Variants in EEFSEC observed in about 807,000 individuals in gnomAD.
The protein encoded by EEFSEC is selenocysteine-specific elongation factor.
A neutral mutation model predicts 42.1 loss-of-function variants in EEFSEC; 43 were observed. The observed-to-expected ratio is 1.02, with a 90% CI of 0.80 to 1.32. EEFSEC has a LOEUF of 1.32. Among genes scored for constraint, EEFSEC ranks in the 40% most tolerant of loss-of-function variants. EEFSEC has a pLI of 0.00. For synonymous variants in EEFSEC, 354 were observed against 339.1 expected (o/e 1.04, Z -0.48); for missense variants, 745 against 803.6 (o/e 0.93, Z 0.88).
chr3:128,326,652 C>T (rs1317534507), intron 4 of EEFSEC, among the ~76,000 whole-genome samples: 1 of 152,198 alleles, frequency 6.6e-6, no homozygotes, highest in Non-Finnish European at 1.5e-5. Context: ...CCAGGGCTGG[C>T]CTCCCCCAGA....
intron 6 of EEFSEC, among the ~76,000 whole-genome samples, chr3:128,363,100 A>G (rs1250989635): frequency 2.0e-5 from 3 of 152,220 alleles, no homozygotes; most frequent in African/African-American, 7.2e-5. Flanking sequence ...AATGTGAGCT[A>G]TGATGTATAG....
At chr3:128,410,952 G>A (rs2107644530), downstream of EEFSEC, among the ~76,000 whole-genome samples, 1 of 152,332 alleles carries the variant, frequency 6.6e-6, no homozygotes, top group Admixed American at 6.5e-5. Flanking sequence ...AGGAGGGGCA[G>A]CCCAGGGCGA....
At chr3:128,300,165 C>T (rs1023323743) in intron 4 of EEFSEC, among the ~76,000 whole-genome samples, 32 of 152,322 alleles carry the variant, frequency 2.1e-4, no homozygotes, top group African/African-American at 7.2e-4. Context: ...GTTCTGGCCA[C>T]CTCCCCAGCT....
chr3:128,343,569 A>T (rs2067279666), intron 5 of EEFSEC, among the ~76,000 whole-genome samples: 1 of 152,190 alleles, frequency 6.6e-6, no homozygotes, highest in South Asian at 2.1e-4. Flanking sequence ...AGCCTGATTT[A>T]TTAGCAGTGT....
chr3:128,348,281 T>TGTGTGTGCGTGTGTGTGTGTGTGC (rs2067340539), intron 5 of EEFSEC, among the ~76,000 whole-genome samples: 1 of 150,858 alleles, frequency 6.6e-6, no homozygotes, highest in African/African-American at 2.4e-5. Context: ...CGTGTGCGTG[T>TGTGTGTGCGTGTGTGTGTGTGTGC]GTGTGTGTGT....
chr3:128,264,889 A>C (rs1576591389), intron 4 of EEFSEC, 108 bp downstream of exon 4: 4 of 1,335,940 alleles, frequency 3.0e-6, no homozygotes, highest in Non-Finnish European at 4.0e-6. Context: ...CTGCCCTGGG[A>C]CTCCCACTGC....
At chr3:128,277,255 A>C (rs1436036114) in intron 4 of EEFSEC, among the ~76,000 whole-genome samples, 1 of 152,260 alleles carries the variant, frequency 6.6e-6, no homozygotes, top group Non-Finnish European at 1.5e-5. Flanking sequence ...TCTTTTAAGA[A>C]ATAAAACAAT....
chr3:128,224,719 C>T lies in EEFSEC; in HGVS notation c.317-22117C>T, dbSNP rs149082203. Among the ~76,000 whole-genome samples, 8 of 152,272 alleles carry T rather than the reference C, an allele frequency of 5.3e-5. No individual in the cohort carries two copies. In the East Asian group the frequency reaches 9.6e-4, roughly 18 times the overall value. On this transcript the variant is annotated intron_variant, in intron 1 of 6. Transcript: ENST00000254730. ...TTTAAAAAATATAGACATTTTCTTG[C>T]GTAAATCAATGTCATTAGCACAGCT...
At chr3:128,165,518 G>C (rs953155646) in intron 1 of EEFSEC, among the ~76,000 whole-genome samples, 1 of 152,148 alleles carries the variant, frequency 6.6e-6, no homozygotes. Flanking sequence ...TAGTTAATGT[G>C]GGTGATCCTC....
chr3:128,174,472 T>C (rs1032736723), intron 1 of EEFSEC, among the ~76,000 whole-genome samples: 6 of 152,202 alleles, frequency 3.9e-5, no homozygotes, highest in Non-Finnish European at 7.3e-5. Flanking sequence ...TTGTGCCTAA[T>C]TAATAGTTGC....
intron 4 of EEFSEC, among the ~76,000 whole-genome samples, chr3:128,271,329 A>G (rs545383844): frequency 1.3e-5 from 2 of 152,354 alleles, no homozygotes; most frequent in East Asian, 3.9e-4. Context: ...ACCTGTGGAT[A>G]TCGGCTCTCA....
chr3:128,392,382 C>T (rs1304930237), intron 6 of EEFSEC, among the ~76,000 whole-genome samples: 1 of 152,192 alleles, frequency 6.6e-6, no homozygotes, highest in Middle Eastern at 3.2e-3. Context: ...CACATGTGGG[C>T]CCTGCCCACC....
intron 1 of EEFSEC, among the ~76,000 whole-genome samples, chr3:128,218,038 G>T (rs961745732): frequency 2.0e-5 from 3 of 152,144 alleles, no homozygotes; most frequent in Non-Finnish European, 4.4e-5. Context: ...CCAAGTAAAT[G>T]GGTAAAGACC....
chr3:128,381,406 T>G (rs1290342733), intron 6 of EEFSEC, among the ~76,000 whole-genome samples: 1 of 152,184 alleles, frequency 6.6e-6, no homozygotes, highest in Non-Finnish European at 1.5e-5. Flanking sequence ...AATGATCAGG[T>G]CAAAGATTTG....
At chr3:128,407,378 G>A (rs2068129044) in intron 6 of EEFSEC, among the ~76,000 whole-genome samples, 1 of 152,204 alleles carries the variant, frequency 6.6e-6, no homozygotes, top group Admixed American at 6.5e-5. Context: ...TGGCCCCACT[G>A]GGGTGTCCTG....
intron 1 of EEFSEC, among the ~76,000 whole-genome samples, chr3:128,229,948 G>GTTTCC (rs869215030): frequency 2.0e-5 from 3 of 151,994 alleles, no homozygotes; most frequent in Non-Finnish European, 4.4e-5. Context: ...GCCCTGGAGG[G>GTTTCC]TTTCCTTTCC....
At chr3:128,414,946 A>G in the EEFSEC span, among the ~76,000 whole-genome samples, 2 of 152,106 alleles carry the variant, frequency 1.3e-5, no homozygotes, top group Non-Finnish European at 2.9e-5. Context: ...CTTGGCACTG[A>G]CTGGATGATC....
downstream of EEFSEC, among the ~76,000 whole-genome samples, chr3:128,409,368 G>A (rs761627459): frequency 6.6e-6 from 1 of 152,018 alleles, no homozygotes; most frequent in Non-Finnish European, 1.5e-5. Context: ...AGCCGTGTGT[G>A]TGTGTGTGTG....
chr3:128,359,261 G>A (rs1018218727), intron 6 of EEFSEC, among the ~76,000 whole-genome samples: 1 of 152,166 alleles, frequency 6.6e-6, no homozygotes, highest in African/African-American at 2.4e-5. Flanking sequence ...GCATTTGCAG[G>A]TCAGTTGTTT....
Sources: allele counts gnomAD v4.1 joint callset (sites outside exome capture counted in the v4.1 genomes callset), GRCh38; gene constraint gnomAD v4.1.1; transcripts MANE v1.5; gene names NCBI Gene and HGNC (gene_info 2026-07-23, HGNC 2026-07-21).